The following AKAP9 variants were observed in gnomAD, a reference collection of about 807,000 sequenced individuals.
The protein encoded by AKAP9 is A-kinase anchoring protein 9, also known as A-kinase anchor protein 9.
Under a neutral mutation model 488.5 loss-of-function variants are expected in AKAP9, and 311 were observed. The observed-to-expected ratio is 0.64, with a 90% CI of 0.58 to 0.70. The LOEUF (loss-of-function observed/expected upper bound fraction) is 0.70. Ranked by LOEUF, AKAP9 falls within the 30% of genes least tolerant of loss-of-function variation. The probability of loss-of-function intolerance (pLI) is 0.00; values close to 1 mark genes in which losing one functional copy is unlikely to be tolerated. For synonymous variants in AKAP9, 1,462 were observed against 1,483.5 expected (o/e 0.99, Z 0.33); for missense variants, 4,215 against 4,374.5 (o/e 0.96, Z 1.03).
rs369212896 is a variant in AKAP9, at chr7:92,065,448, G to A, written c.6195G>A (p.Met2065Ile). 69 of 1,610,680 alleles carry A rather than the reference G, an allele frequency of 4.3e-5. No individual in the cohort carries two copies. The highest frequency in any genetic ancestry group is 5.6e-5 in the Non-Finnish European group (66 of 1,177,996). ...NQALEKQLEK[M>I]RKFLDEQAID... Reference sequence around the variant, plus strand: ...CATTGGAAAAGCAGTTAGAAAAAATGAGAAAATTTTTAGATGTAAGTATTC... The same window carrying A: ...CATTGGAAAAGCAGTTAGAAAAAATAAGAAAATTTTTAGATGTAAGTATTC... The change falls in exon 25 of 50, where the codon ATG becomes ATA. Residue 2065 changes from methionine (M) to isoleucine (I), a missense_variant. By Grantham distance (10) the Met-to-Ile change is conservative. Coordinates refer to ENST00000356239, the MANE Select transcript of AKAP9 (RefSeq NM_005751.5).
intron 21 of AKAP9, among the ~76,000 whole-genome samples, chr7:92,045,834 T>TC (rs1212386455): frequency 7.0e-6 from 1 of 141,982 alleles, no homozygotes; most frequent in Non-Finnish European, 1.5e-5. Flanking sequence ...CCGTTTCTTT[T>TC]TTTTTTTTTT....
chr7:91,984,727 G>A (rs991991729), intron 3 of AKAP9, among the ~76,000 whole-genome samples: 1 of 152,062 alleles, frequency 6.6e-6, no homozygotes, highest in African/African-American at 2.4e-5. Flanking sequence ...TGGGCAGTGT[G>A]GCCATTTTCA....
At chr7:92,091,467 T>C (rs1471541101) in intron 38 of AKAP9, among the ~76,000 whole-genome samples, 2 of 151,526 alleles carry the variant, frequency 1.3e-5, no homozygotes, top group Non-Finnish European at 2.9e-5. Context: ...GTGCCTGTAA[T>C]CCCAGCTACT....
At chr7:92,074,502 C>A (rs1005837781) in intron 28 of AKAP9, among the ~76,000 whole-genome samples, 20 of 152,094 alleles carry the variant, frequency 1.3e-4, no homozygotes, top group African/African-American at 4.8e-4. Flanking sequence ...CCCAGCAATC[C>A]CATTACTGGG....
At chr7:91,987,426 A>C (rs1472303020) in intron 3 of AKAP9, among the ~76,000 whole-genome samples, 1 of 152,140 alleles carries the variant, frequency 6.6e-6, no homozygotes, top group Non-Finnish European at 1.5e-5. Flanking sequence ...TCTCGAAAAA[A>C]AAAAAGAAGA....
At chr7:92,025,610 C>T (rs1405283345) in intron 14 of AKAP9, among the ~76,000 whole-genome samples, 2 of 152,110 alleles carry the variant, frequency 1.3e-5, no homozygotes, top group Admixed American at 6.5e-5. Flanking sequence ...TACTAGAAAC[C>T]TCTAAGAGAA....
At chr7:92,070,683 C>T (rs1361306036) in intron 27 of AKAP9, among the ~76,000 whole-genome samples, 1 of 151,930 alleles carries the variant, frequency 6.6e-6, no homozygotes, top group Non-Finnish European at 1.5e-5. Context: ...GATCCACCTA[C>T]CTCAGCCTCC....
At chr7:92,032,892 T>C (rs1299040670) in intron 16 of AKAP9, among the ~76,000 whole-genome samples, 1 of 152,198 alleles carries the variant, frequency 6.6e-6, no homozygotes, top group Non-Finnish European at 1.5e-5. Flanking sequence ...GGTTTGGTAT[T>C]GGATATACCA....
In AKAP9 at chr7:91,951,393, C is replaced by T. The variant is rs554217372; in HGVS notation, c.48+10246C>T. On this transcript the variant is annotated intron_variant, in intron 1 of 49. Transcript: ENST00000356239. ...CAGCTGGAGTGTGGTGGCATGATCACGGCTCATTGCAACCTCGACCTCCTG... is the reference window on the plus strand; with the variant it reads ...CAGCTGGAGTGTGGTGGCATGATCATGGCTCATTGCAACCTCGACCTCCTG... Among the ~76,000 whole-genome samples, 99 of 152,092 alleles carry T rather than the reference C, an allele frequency of 6.5e-4. 2 individuals are homozygous for T. In the South Asian group the frequency reaches 0.02, roughly 30 times the overall value.
At chr7:91,954,363 C>T (rs971085643) in intron 1 of AKAP9, among the ~76,000 whole-genome samples, 10 of 152,180 alleles carry the variant, frequency 6.6e-5, no homozygotes, top group African/African-American at 2.2e-4. Context: ...TTACTCACTG[C>T]AGCCTCAACC....
rs1157039034 is a variant in AKAP9 at position 91,940,897 on chromosome 7, G to C, written c.-203G>C. ...GGAGACGAAGATGGCGGCGGCGGCG[G>C]CGGTGACGGCGCTTCCCGTGCGGCT... is the stretch of plus-strand genomic sequence containing the variant. On this transcript the variant is annotated 5_prime_UTR_variant, in exon 1 of 50. Coordinates refer to ENST00000356239, the MANE Select transcript of AKAP9 (RefSeq NM_005751.5). 2 of 619,292 alleles carry C rather than the reference G, an allele frequency of 3.2e-6. No individual in the cohort carries two copies. The highest frequency in any genetic ancestry group is 2.9e-6 in the Non-Finnish European group (1 of 345,888). 38.4% of individuals were successfully genotyped at this position (619,292 alleles called of 1,614,324 possible). A position where few individuals can be genotyped will look rare whatever the true frequency, so the allele number is the denominator to read the frequency against.
At chr7:92,093,428 AAC>A in intron 39 of AKAP9, 112 bp downstream of exon 39, 3 of 939,824 alleles carry the variant, frequency 3.2e-6, no homozygotes, top group Non-Finnish European at 4.9e-6. Flanking sequence ...AATAGCATGC[AAC>A]TGTTTTTTTT....
At chr7:91,980,495 C>CTTTTTTTTTTTTCTTTTT (rs1796260471) in intron 3 of AKAP9, among the ~76,000 whole-genome samples, 162 bp downstream of exon 3, 2 of 48,756 alleles carry the variant, frequency 4.1e-5, no homozygotes, top group Non-Finnish European at 6.6e-5. Context: ...GTATTACTGA[C>CTTTTTTTTTTTTCTTTTT]TTTTTTTTTT....
At position 92,070,082 on chromosome 7, in the gene AKAP9, T is replaced by A; in HGVS notation, c.6383T>A (p.Leu2128His). ...GAAAAAACAGACAAATGCAGTGAGCTTTTGCTCTCTAAAGAGCAGCTTCAA... is the reference window on the plus strand; with the variant it reads ...GAAAAAACAGACAAATGCAGTGAGCATTTGCTCTCTAAAGAGCAGCTTCAA... ...LKEKTDKCSE[L>H]LLSKEQLQRD... Residue 2128 changes from leucine (L) to histidine (H), a missense_variant, in exon 27 of 50, where the codon CTT becomes CAT. Leu to His is a moderately conservative substitution (Grantham distance 99). Coordinates refer to ENST00000356239, the MANE Select transcript of AKAP9 (RefSeq NM_005751.5). 1 of 1,613,852 alleles carries A rather than the reference T, an allele frequency of 6.2e-7. No individual in the cohort carries two copies. Among genetic ancestry groups the A allele is most frequent in the Non-Finnish European group, 8.5e-7 (1 of 1,179,894 alleles).
chr7:91,991,511 G>A (rs145343651), intron 3 of AKAP9, among the ~76,000 whole-genome samples: 8 of 144,922 alleles, frequency 5.5e-5, no homozygotes, highest in Non-Finnish European at 1.2e-4. Flanking sequence ...TTGCTCTGTC[G>A]CCCAGGCTGT....
At chr7:92,077,414 C>T (rs1183880265) in intron 29 of AKAP9, among the ~76,000 whole-genome samples, 3 of 151,906 alleles carry the variant, frequency 2.0e-5, no homozygotes, top group Non-Finnish European at 2.9e-5. Flanking sequence ...ATTAAGCATT[C>T]GATAAATCCA....
At position 91,941,882 on chromosome 7, in the gene AKAP9, TTGTGTGTGTGTG is replaced by T. The variant is rs10700954; in HGVS notation, c.48+754_48+765del. Among the ~76,000 whole-genome samples the T allele has an allele frequency of 1.3e-4, 19 of 147,848 alleles. No individual in the cohort carries two copies. The South Asian group carries it at 2.2e-3, about 17-fold the overall frequency. ...TATATATCTCTCTGGCGAATCCTGGTTGTGTGTGTGTGTGTGTGTGTGTGTGTGTGAACGGTT... is the reference window on the plus strand; with the variant it reads ...TATATATCTCTCTGGCGAATCCTGGTTGTGTGTGTGTGTGTGTGAACGGTT... On this transcript the variant is annotated intron_variant, in intron 1 of 49. Transcript: ENST00000356239.
At position 92,041,538 on chromosome 7, in the gene AKAP9, A is replaced by C. The variant is rs76397188; in HGVS notation, c.4918-508A>C. On this transcript the variant is annotated intron_variant, in intron 18 of 49. Coordinates refer to ENST00000356239, the MANE Select transcript of AKAP9 (RefSeq NM_005751.5). ...GGTATTTGGGAGCTGGATTCTTGTC[A>C]ACTGCTGTATAAAATATACTCACAA... 125 of 155,268 alleles carry C rather than the reference A, an allele frequency of 8.1e-4. 2 individuals carry two copies. The East Asian group carries it at 0.02, about 25-fold the overall frequency. The allele number at this position is 155,268 out of a possible 1,614,324, so 9.6% of individuals were successfully genotyped here.
In AKAP9 at chr7:91,971,560, C is replaced by CTTTTTTTTT. The variant is rs71107844; in HGVS notation, c.49-2134_49-2126dup. 4.3e-3 allele frequency among the ~76,000 whole-genome samples: 295 copies of CTTTTTTTTT among 68,552 alleles called. 1 individual carries two copies. Among genetic ancestry groups the CTTTTTTTTT allele is most frequent in the Non-Finnish European group, 4.9e-3 (188 of 38,650 alleles). 45.0% of individuals were successfully genotyped at this position (68,552 alleles called of 152,430 possible). A position where few individuals can be genotyped will look rare whatever the true frequency, so the allele number is the denominator to read the frequency against. ...GTTTCTTGTGGATATACATCTATTT[C>CTTTTTTTTT]TTTTTTTTTTTTTTTTTTTTTTTTT... On this transcript the variant is annotated intron_variant, in intron 1 of 49. Transcript: ENST00000356239.
Sources: gnomAD v4.1 joint callset for allele counts (sites outside exome capture counted in the v4.1 genomes callset) on GRCh38, gnomAD v4.1.1 for gene constraint, MANE v1.5 for transcripts, NCBI Gene and HGNC (gene_info 2026-07-23, HGNC 2026-07-21) for gene names.